The following MRC1 variants were observed in gnomAD, a reference collection of about 807,000 sequenced individuals.
MRC1 encodes mannose receptor C-type 1.
In MRC1, 62 loss-of-function variants were observed where a neutral mutation model predicts 102.9. That is an observed-to-expected ratio of 0.60 (90% CI 0.49 to 0.74). The LOEUF (loss-of-function observed/expected upper bound fraction) is 0.74, where lower values mean the gene tolerates loss of function less well. MRC1 is among the 30% of genes least tolerant of loss of function. The probability of loss-of-function intolerance (pLI) is 0.00; values close to 1 mark genes in which losing one functional copy is unlikely to be tolerated. For synonymous variants in MRC1, 457 were observed against 298.4 expected, an observed-to-expected ratio of 1.53 and a Z score of -5.48; for missense variants, 1,237 against 862.8, an observed-to-expected ratio of 1.43 and a Z score of -5.43.
chr10:17,867,350 C>A (rs1833287901), intron 12 of MRC1, among the ~76,000 whole-genome samples: 1 of 128,240 alleles, frequency 7.8e-6, no homozygotes, highest in Non-Finnish European at 1.6e-5. Context: ...TCCTCCTCTT[C>A]TTCTTCTCCT....
At position 17,874,124 on chromosome 10, in the gene MRC1, C is replaced by G. The variant is rs1018396149; in HGVS notation, c.2386+299C>G. On this transcript the variant is annotated intron_variant, in intron 16 of 29. Coordinates refer to ENST00000569591, the MANE Select transcript of MRC1 (RefSeq NM_002438.4). Reference sequence around the variant, plus strand: ...GGCTGCTGTAACCAGTTACCAGGAACTTGGTGGCTTAAAATAACATGCAGT... The same window carrying G: ...GGCTGCTGTAACCAGTTACCAGGAAGTTGGTGGCTTAAAATAACATGCAGT... Among the ~76,000 whole-genome samples the G allele has an allele frequency of 8.5e-5, 13 of 152,294 alleles. No individual in the cohort carries two copies. In the East Asian group the frequency reaches 2.5e-3, roughly 29 times the overall value.
chr10:17,825,332 CAAG>C (rs1838457304), intron 2 of MRC1, among the ~76,000 whole-genome samples: 1 of 151,994 alleles, frequency 6.6e-6, no homozygotes, highest in African/African-American at 2.4e-5. Flanking sequence ...GTTCAGACTC[CAAG>C]AAGAAGACAA....
Position 17,863,541 on chromosome 10 carries a change from C to T in MRC1, c.1642C>T (p.Gln548Ter). 1.3e-6 allele frequency: 1 copy of T among 780,774 alleles called. No homozygotes were observed. Among genetic ancestry groups the T allele is most frequent in the Admixed American group, 1.7e-5 (1 of 59,014 alleles). 48.4% of individuals were successfully genotyped at this position (780,774 alleles called of 1,614,324 possible). ...TAATTCTTCTTTTTAAAGATATGAA[C>T]AAGCCTTCCTGACTAGTTTCGTTGG... Reference protein sequence around the residue: ...YLTTIEDRYEQAFLTSFVGLR... With the variant: ...YLTTIEDRYE Residue 548 changes from glutamine to a stop codon, truncating the protein, a stop_gained, in exon 11 of 30, where the codon CAA (glutamine) becomes TAA (stop). Coordinates refer to ENST00000569591, the MANE Select transcript of MRC1 (RefSeq NM_002438.4). LOFTEE classifies it high-confidence loss of function.
chr10:17,843,421 A>G (rs1488369653), intron 5 of MRC1, among the ~76,000 whole-genome samples: 2 of 152,186 alleles, frequency 1.3e-5, no homozygotes, highest in Non-Finnish European at 2.9e-5. Context: ...TAATACCAGC[A>G]CTTTGGGAGG....
chr10:17,853,692 C>T (rs1035168248), intron 8 of MRC1, among the ~76,000 whole-genome samples: 135 of 151,684 alleles, frequency 8.9e-4, no homozygotes, highest in African/African-American at 2.9e-3. Flanking sequence ...CTTACAGCTA[C>T]GGTGGATTAG....
chr10:17,898,313 G>C, intron 24 of MRC1, 47 bp downstream of exon 24: 1 of 780,644 alleles, frequency 1.3e-6, no homozygotes, highest in Admixed American at 1.7e-5. Flanking sequence ...AGTGAATTAT[G>C]GTTGAATATG....
intron 23 of MRC1, among the ~76,000 whole-genome samples, chr10:17,895,371 T>A (rs1478544734): frequency 6.6e-6 from 1 of 152,198 alleles, no homozygotes; most frequent in East Asian, 1.9e-4. Context: ...GCTTTTTTTT[T>A]TTTAACCAGA....
chr10:17,871,793 G>T (rs970738342), intron 14 of MRC1, among the ~76,000 whole-genome samples, 189 bp from the exon 15 acceptor site: 10 of 152,082 alleles, frequency 6.6e-5, no homozygotes, highest in African/African-American at 1.4e-4. Flanking sequence ...ACATCACAAG[G>T]TTCCATGTAA....
chr10:17,841,953 T>TTTTG (rs1242181585), intron 5 of MRC1, among the ~76,000 whole-genome samples: 10 of 151,976 alleles, frequency 6.6e-5, no homozygotes, highest in Admixed American at 3.3e-4. Context: ...AACTCTCCAT[T>TTTTG]TTTGTTTGTT....
chr10:17,901,006 A>G (rs1389654598), intron 25 of MRC1, 53 bp downstream of exon 25: 7 of 757,036 alleles, frequency 9.2e-6, no homozygotes, highest in East Asian at 2.4e-5. Context: ...TGAATAAGCT[A>G]CTACATACCA....
intron 1 of MRC1, among the ~76,000 whole-genome samples, chr10:17,812,729 A>G (rs953849254): frequency 6.6e-6 from 1 of 151,252 alleles, no homozygotes; most frequent in Admixed American, 6.6e-5. Context: ...CCGCCACCAC[A>G]CCCGGCTAAT....
Position 17,809,385 on chromosome 10 carries a change from G to A in MRC1, c.-81G>A. 1 of 848,684 alleles carries A rather than the reference G, an allele frequency of 1.2e-6. No homozygotes were observed. The highest frequency in any genetic ancestry group is 2.1e-6 in the Non-Finnish European group (1 of 479,900). The allele number at this position is 848,684 out of a possible 1,614,324, so 52.6% of individuals were successfully genotyped here. A position where few individuals can be genotyped will look rare whatever the true frequency, so the allele number is the denominator to read the frequency against. On this transcript the variant is annotated 5_prime_UTR_variant, in exon 1 of 30. Transcript: ENST00000569591. ...TCTGGGAACTTGGATTAGGTGGAGA[G>A]GCAGTTGGGGGGCCTCGTTGTTTTG...
chr10:17,838,840 T>A (rs1838708917), intron 4 of MRC1, among the ~76,000 whole-genome samples: 1 of 152,192 alleles, frequency 6.6e-6, no homozygotes, highest in Non-Finnish European at 1.5e-5. Flanking sequence ...AGTTGGTGTC[T>A]GGAAACAAAA....
intron 3 of MRC1, among the ~76,000 whole-genome samples, chr10:17,832,554 CAAACA>C (rs1247022856): frequency 1.3e-5 from 2 of 148,200 alleles, no homozygotes; most frequent in African/African-American, 2.6e-5. Context: ...GACTCTGTCT[CAAACA>C]AAACAAAACA....
chr10:17,867,305 CCTTCTTCCTCCTTCCTTCTTCTT>C (rs1236841007), intron 12 of MRC1, among the ~76,000 whole-genome samples: 1 of 138,434 alleles, frequency 7.2e-6, no homozygotes, highest in South Asian at 2.5e-4. Context: ...GTTCCTTCTT[CCTTCTTCCTCCTTCCTTCTTCTT>C]CTTCTTCCTC....
intron 22 of MRC1, among the ~76,000 whole-genome samples, chr10:17,891,216 G>T (rs911706497): frequency 3.4e-4 from 52 of 151,180 alleles, no homozygotes; most frequent in African/African-American, 1.2e-3. Context: ...GCCCAGGCTG[G>T]AGTGCAGTGG....
chr10:17,896,991 G>A (rs1336720632), intron 23 of MRC1, among the ~76,000 whole-genome samples: 1 of 152,178 alleles, frequency 6.6e-6, no homozygotes, highest in Non-Finnish European at 1.5e-5. Flanking sequence ...ACTGCAAATA[G>A]TCAACTCTGC....
At chr10:17,875,363 G>C (rs1031968396) in intron 17 of MRC1, 110 bp downstream of exon 17, 5 of 737,872 alleles carry the variant, frequency 6.8e-6, no homozygotes, top group Admixed American at 1.9e-5. Context: ...TGGTACACCC[G>C]TCACCTGAGC....
At chr10:17,906,723 A>G (rs1833901031) in intron 26 of MRC1, among the ~76,000 whole-genome samples, 163 bp from the exon 27 acceptor site, 1 of 152,222 alleles carries the variant, frequency 6.6e-6, no homozygotes, top group Non-Finnish European at 1.5e-5. Flanking sequence ...TTCAGAATGA[A>G]AACTAAAATT....
Sources: allele counts gnomAD v4.1 joint callset (sites outside exome capture counted in the v4.1 genomes callset), GRCh38; gene constraint gnomAD v4.1.1; transcripts MANE v1.5; gene names NCBI Gene and HGNC (gene_info 2026-07-23, HGNC 2026-07-21).